The following DNMBP variants were observed in gnomAD, a reference collection of about 807,000 sequenced individuals.
DNMBP encodes the protein dynamin-binding protein.
In DNMBP, 87 loss-of-function variants were observed where a neutral mutation model predicts 150.0. The observed-to-expected ratio is 0.58, with a 90% CI of 0.49 to 0.69. The LOEUF (loss-of-function observed/expected upper bound fraction) is 0.69, where lower values mean the gene tolerates loss of function less well. DNMBP is among the 30% of genes least tolerant of loss of function. The pLI is 0.00. For synonymous variants in DNMBP, 711 were observed against 750.4 expected (o/e 0.95, Z 0.86); for missense variants, 1,774 against 1,949.0 (o/e 0.91, Z 1.69).
intron 1 of DNMBP, among the ~76,000 whole-genome samples, chr10:100,001,413 GTTT>G (rs531398004): frequency 9.0e-6 from 1 of 111,268 alleles, no homozygotes; most frequent in Non-Finnish European, 1.7e-5. Context: ...TGTTGTTGTT[GTTT>G]TTTTTTTTTT....
intron 4 of DNMBP, among the ~76,000 whole-genome samples, chr10:99,915,108 A>AAAAAAAAAAAAATATAT (rs10654940): frequency 1.0e-5 from 1 of 99,804 alleles, no homozygotes; most frequent in African/African-American, 4.4e-5. Context: ...AAAAAAAAAA[A>AAAAAAAAAAAAATATAT]ATATATATAT....
intron 6 of DNMBP, among the ~76,000 whole-genome samples, chr10:99,902,927 TAAAA>T (rs775080360): frequency 7.4e-6 from 1 of 135,238 alleles, no homozygotes; most frequent in Non-Finnish European, 1.6e-5. Context: ...ATTCTGTCTT[TAAAA>T]AAAAAAAAAA....
At chr10:99,947,507 C>T (rs2040370903) in intron 4 of DNMBP, among the ~76,000 whole-genome samples, 1 of 149,902 alleles carries the variant, frequency 6.7e-6, no homozygotes, top group African/African-American at 2.5e-5. Flanking sequence ...GGGAGCTACA[C>T]ACTGGGTACA....
chr10:99,951,391 G>A (rs1173333061), intron 4 of DNMBP, among the ~76,000 whole-genome samples: 2 of 152,184 alleles, frequency 1.3e-5, no homozygotes, highest in Non-Finnish European at 2.9e-5. Flanking sequence ...TGTGAGAAGA[G>A]GGCCAAAATC....
In DNMBP at chr10:99,903,055, C is replaced by A. The variant is rs540903351; in HGVS notation, c.2555-2989G>T. Reference sequence around the variant, plus strand: ...GCTCAACCAATCCTCCTGCCTCAGCCTCTCAAGAACCTGGGACTACAGGTA... The same window carrying A: ...GCTCAACCAATCCTCCTGCCTCAGCATCTCAAGAACCTGGGACTACAGGTA... On this transcript the variant is annotated intron_variant, in intron 6 of 16. Transcript: ENST00000324109. Among the ~76,000 whole-genome samples, 4 of 152,080 alleles carry A rather than the reference C, an allele frequency of 2.6e-5. No homozygotes were observed. In the South Asian group the frequency reaches 8.3e-4, roughly 32 times the overall value.
intron 11 of DNMBP, among the ~76,000 whole-genome samples, chr10:99,891,330 C>T (rs1013466515): frequency 3.3e-5 from 5 of 149,974 alleles, no homozygotes; most frequent in East Asian, 1.9e-4. Context: ...ATTGCAGGCA[C>T]GCGCCACCAC....
At chr10:99,907,003 A>G (rs1323845651) in intron 6 of DNMBP, among the ~76,000 whole-genome samples, 1 of 152,184 alleles carries the variant, frequency 6.6e-6, no homozygotes, top group African/African-American at 2.4e-5. Flanking sequence ...CAGTACACAT[A>G]TATTTGAAAT....
In DNMBP at chr10:99,884,012, T is replaced by C. The variant is rs764295904; in HGVS notation, c.3996A>G (p.Gly1332=). The C allele has an allele frequency of 6.2e-7, 1 of 1,613,798 alleles. No homozygotes were observed. Among genetic ancestry groups the C allele is most frequent in the East Asian group, 2.2e-5 (1 of 44,876 alleles). Residue 1332 remains glycine (G), a splice_region_variant and synonymous_variant, in exon 15 of 17, where the codon GGA becomes GGG. Coordinates refer to ENST00000324109, the MANE Select transcript of DNMBP (RefSeq NM_015221.4). The part of the protein sequence containing the change: ...GSQNRWLIDN[G]VTKGFVYSSF... ...TCCTCTGCTGCTTAAAATTCTTACC[T>C]CCATTGTCAATCAGCCAGCGGTTCT...
At chr10:99,952,279 C>G (rs1356592663) in intron 4 of DNMBP, among the ~76,000 whole-genome samples, 1 of 152,138 alleles carries the variant, frequency 6.6e-6, no homozygotes, top group African/African-American at 2.4e-5. Flanking sequence ...TGGACTAATA[C>G]AATATCTAAT....
intron 3 of DNMBP, among the ~76,000 whole-genome samples, chr10:99,967,504 C>A (rs1310919065): frequency 1.3e-5 from 2 of 152,050 alleles, no homozygotes; most frequent in African/African-American, 4.8e-5. Context: ...CCAGCCTCGA[C>A]AGAATGAGAC....
At chr10:99,981,892 C>T (rs1374400596) in intron 1 of DNMBP, among the ~76,000 whole-genome samples, 1 of 152,204 alleles carries the variant, frequency 6.6e-6, no homozygotes, top group East Asian at 1.9e-4. Flanking sequence ...CCACAGCTAC[C>T]ATATGAAGAC....
chr10:99,929,608 C>G (rs1319577425), intron 4 of DNMBP: 1 of 671,062 alleles, frequency 1.5e-6, no homozygotes, highest in South Asian at 1.6e-5. Flanking sequence ...GAGTTCATAC[C>G]TTGGGTTTTC....
chr10:99,960,487 C>A (rs2133339421), intron 3 of DNMBP, among the ~76,000 whole-genome samples: 1 of 152,190 alleles, frequency 6.6e-6, no homozygotes, highest in Middle Eastern at 3.4e-3. Context: ...CTTTTATGCT[C>A]TTGATTTTTA....
chr10:99,877,454 G>A lies in DNMBP; in HGVS notation c.4549-118C>T, dbSNP rs574163238. 8.4e-5 allele frequency: 58 copies of A among 690,234 alleles called. No individual in the cohort carries two copies. The African/African-American group carries it at 8.6e-4, about 10-fold the overall frequency. 42.8% of individuals were successfully genotyped at this position (690,234 alleles called of 1,614,324 possible). ...GCCCACATGTGGCTACTGAGCCCCT[G>A]AAATATGGCCAGTGAGACAGAGGAA... On this transcript the variant is annotated intron_variant, in intron 16 of 16. Coordinates refer to ENST00000324109, the MANE Select transcript of DNMBP (RefSeq NM_015221.4).
chr10:99,985,387 C>T (rs1400811093), intron 1 of DNMBP, among the ~76,000 whole-genome samples: 1 of 152,136 alleles, frequency 6.6e-6, no homozygotes, highest in Non-Finnish European at 1.5e-5. Flanking sequence ...ACACGGCAAA[C>T]CCAATGAATG....
chr10:99,967,458 G>A (rs1472317798), intron 3 of DNMBP, among the ~76,000 whole-genome samples: 5 of 151,972 alleles, frequency 3.3e-5, no homozygotes, highest in Non-Finnish European at 5.9e-5. Context: ...CCTGGGAGGC[G>A]GAGGTTGCAG....
intron 15 of DNMBP, among the ~76,000 whole-genome samples, chr10:99,881,988 T>A (rs1266173544): frequency 6.6e-6 from 1 of 152,218 alleles, no homozygotes; most frequent in Non-Finnish European, 1.5e-5. Context: ...ATACTACATA[T>A]TTTGTAAAAC....
At chr10:99,922,122 T>C (rs1482229257) in intron 4 of DNMBP, among the ~76,000 whole-genome samples, 2 of 152,178 alleles carry the variant, frequency 1.3e-5, no homozygotes, top group African/African-American at 2.4e-5. Context: ...CTGTAGCCTG[T>C]TGGCCTGGTA....
At chr10:99,959,433 C>T (rs1179078061) in intron 3 of DNMBP, among the ~76,000 whole-genome samples, 3 of 151,982 alleles carry the variant, frequency 2.0e-5, no homozygotes, top group African/African-American at 7.3e-5. Flanking sequence ...CTGCAGTGAG[C>T]CATGGCTGTG....
Sources: allele counts gnomAD v4.1 joint callset (sites outside exome capture counted in the v4.1 genomes callset), GRCh38; gene constraint gnomAD v4.1.1; transcripts MANE v1.5; gene names NCBI Gene and HGNC (gene_info 2026-07-23, HGNC 2026-07-21).